The following ANKH variants were observed in gnomAD, a reference collection of about 807,000 sequenced individuals.
The protein encoded by ANKH is mineralization regulator ANKH.
A neutral mutation model predicts 49.0 loss-of-function variants in ANKH; 15 were observed. That is an observed-to-expected ratio of 0.31 (90% CI 0.20 to 0.47). The LOEUF is 0.47. ANKH is among the 20% of genes least tolerant of loss of function. The probability of loss-of-function intolerance (pLI) is 1.00; values close to 1 mark genes in which losing one functional copy is unlikely to be tolerated. For synonymous variants in ANKH, 273 were observed against 260.0 expected (o/e 1.05, Z -0.48); for missense variants, 429 against 652.0 (o/e 0.66, Z 3.72).
chr5:14,732,432 A>C (rs1738035377), intron 8 of ANKH, among the ~76,000 whole-genome samples: 1 of 152,138 alleles, frequency 6.6e-6, no homozygotes, highest in Non-Finnish European at 1.5e-5. Flanking sequence ...AACACCCCCC[A>C]CCACCAAAAC....
intron 8 of ANKH, among the ~76,000 whole-genome samples, chr5:14,719,563 C>T (rs1045793246): frequency 2.6e-5 from 4 of 152,200 alleles, no homozygotes; most frequent in African/African-American, 9.7e-5. Flanking sequence ...AAGCGATTTA[C>T]ACCACGAAGG....
intron 1 of ANKH, among the ~76,000 whole-genome samples, chr5:14,848,802 T>G (rs1196065375): frequency 2.0e-5 from 3 of 152,188 alleles, no homozygotes; most frequent in Non-Finnish European, 4.4e-5. Flanking sequence ...CCGTTCCTTG[T>G]AATCCGTGAG....
intron 1 of ANKH, among the ~76,000 whole-genome samples, chr5:14,820,569 G>C (rs1369489668): frequency 6.6e-6 from 1 of 152,196 alleles, no homozygotes; most frequent in Non-Finnish European, 1.5e-5. Context: ...CAGGATTCTT[G>C]CTGAGGGCAG....
intron 1 of ANKH, among the ~76,000 whole-genome samples, chr5:14,846,038 G>C (rs933815092): frequency 6.6e-6 from 1 of 151,716 alleles, no homozygotes; most frequent in African/African-American, 2.4e-5. Context: ...TGTATTTTTA[G>C]TAGAGACAGG....
intron 1 of ANKH, among the ~76,000 whole-genome samples, chr5:14,839,557 A>T (rs1171557901): frequency 6.6e-6 from 1 of 151,260 alleles, no homozygotes; most frequent in Non-Finnish European, 1.5e-5. Context: ...TCTTCAGTAT[A>T]AGAAAGGGTT....
At position 14,721,746 on chromosome 5, in the gene ANKH, C is replaced by T. The variant is rs183340601; in HGVS notation, c.1012-4911G>A. Among the ~76,000 whole-genome samples the T allele has an allele frequency of 1.9e-3, 295 of 151,814 alleles. 1 individual carries two copies. The highest frequency in any genetic ancestry group is 6.2e-3 in the African/African-American group (256 of 41,416). ...GAGATCGAGACCATCCTGGCTAACA[C>T]GGTGAAACCCCATCTCTACTAAAAA... On this transcript the variant is annotated intron_variant, in intron 8 of 11. Transcript: ENST00000284268.
Position 14,707,345 on chromosome 5 carries a change from A to G in ANKH, c.*3852T>C, listed in dbSNP as rs887010007. The G allele has an allele frequency of 6.6e-6, 1 of 151,884 alleles. No homozygotes were observed. The highest frequency in any genetic ancestry group is 1.5e-5 in the Non-Finnish European group (1 of 67,990). The allele number at this position is 151,884 out of a possible 1,614,324, so 9.4% of individuals were successfully genotyped here. A position where few individuals can be genotyped will look rare whatever the true frequency, so the allele number is the denominator to read the frequency against. On this transcript the variant is annotated 3_prime_UTR_variant, in exon 12 of 12. Transcript: ENST00000284268. ...TGAGTCTTCAAATCGATGTGTTCCT[A>G]GAAACCAAGGATATAGAAAAGTTAC...
intron 11 of ANKH, 61 bp downstream of exon 11, chr5:14,712,813 C>T: frequency 6.7e-7 from 1 of 1,500,438 alleles, no homozygotes; most frequent in Non-Finnish European, 9.1e-7. Context: ...AGTGGCTGCT[C>T]AGGTTCTCCT....
intron 1 of ANKH, among the ~76,000 whole-genome samples, chr5:14,812,910 C>A (rs189625461): frequency 5.3e-5 from 8 of 152,248 alleles, no homozygotes; most frequent in African/African-American, 1.9e-4. Flanking sequence ...ATGAGTGCTA[C>A]CTACAGTAAT....
intron 1 of ANKH, among the ~76,000 whole-genome samples, chr5:14,777,672 G>A (rs1291092347): frequency 6.6e-6 from 1 of 152,180 alleles, no homozygotes; most frequent in East Asian, 1.9e-4. Flanking sequence ...GCTAATGCTA[G>A]CAACAAGCAT....
chr5:14,813,506 CA>C (rs767729721), intron 1 of ANKH, among the ~76,000 whole-genome samples: 3 of 151,650 alleles, frequency 2.0e-5, no homozygotes, highest in Non-Finnish European at 4.4e-5. Context: ...AGGAGAAAAA[CA>C]AATTAAAATA....
At chr5:14,815,766 C>T (rs974816973) in intron 1 of ANKH, among the ~76,000 whole-genome samples, 2 of 152,232 alleles carry the variant, frequency 1.3e-5, no homozygotes, top group Non-Finnish European at 2.9e-5. Context: ...GACACGACCA[C>T]AAGTGTCCAG....
intron 8 of ANKH, among the ~76,000 whole-genome samples, chr5:14,731,000 C>T (rs1266599123): frequency 6.6e-6 from 1 of 152,202 alleles, no homozygotes; most frequent in East Asian, 1.9e-4. Flanking sequence ...AGAAGCCCGA[C>T]GGGGCCCTCG....
At position 14,721,697 on chromosome 5, in the gene ANKH, A is replaced by G. The variant is rs189732788; in HGVS notation, c.1012-4862T>C. On this transcript the variant is annotated intron_variant, in intron 8 of 11. Coordinates refer to ENST00000284268, the MANE Select transcript of ANKH (RefSeq NM_054027.6). ...CTGTAATCCAGCACTTTGGGAGGCCAAGGTGGGAGGATCACAAGGTCAGGA... is the reference window on the plus strand; with the variant it reads ...CTGTAATCCAGCACTTTGGGAGGCCGAGGTGGGAGGATCACAAGGTCAGGA... Among the ~76,000 whole-genome samples the G allele has an allele frequency of 1.1e-3, 163 of 152,244 alleles. 2 individuals are homozygous for G. The East Asian group carries it at 0.02, about 18-fold the overall frequency.
At chr5:14,845,134 G>A (rs949094933) in intron 1 of ANKH, among the ~76,000 whole-genome samples, 10 of 151,806 alleles carry the variant, frequency 6.6e-5, no homozygotes, top group Non-Finnish European at 7.4e-5. Flanking sequence ...ACAGAAACAC[G>A]CTTTCCAATA....
chr5:14,843,259 T>G (rs1741863849), intron 1 of ANKH, among the ~76,000 whole-genome samples: 1 of 147,970 alleles, frequency 6.8e-6, no homozygotes, highest in Admixed American at 6.9e-5. Flanking sequence ...CACTGCAACC[T>G]CCGCCTCATG....
intron 2 of ANKH, among the ~76,000 whole-genome samples, chr5:14,766,113 C>A (rs190557500): frequency 6.6e-6 from 1 of 152,110 alleles, no homozygotes; most frequent in African/African-American, 2.4e-5. Flanking sequence ...TTGTGCTGGC[C>A]AGGTGTGGTG....
chr5:14,792,407 T>C (rs1204295934), intron 1 of ANKH, among the ~76,000 whole-genome samples: 1 of 152,152 alleles, frequency 6.6e-6, no homozygotes. Context: ...GGACCCAGAC[T>C]GGTGATGATG....
rs1370298604 is a variant in ANKH at position 14,711,077 on chromosome 5, C to T, written c.*120G>A. On this transcript the variant is annotated 3_prime_UTR_variant, in exon 12 of 12. Coordinates refer to ENST00000284268, the MANE Select transcript of ANKH (RefSeq NM_054027.6). ...TGACACGAAACCTTTAAATCAAGGC[C>T]TCTTTCATTACCAAAACAAAACAAA... 2.2e-6 allele frequency: 2 copies of T among 891,528 alleles called. No individual in the cohort carries two copies. The highest frequency in any genetic ancestry group is 1.9e-6 in the Non-Finnish European group (1 of 531,032). The allele number at this position is 891,528 out of a possible 1,614,324, so 55.2% of individuals were successfully genotyped here.
Sources: gnomAD v4.1 joint callset for allele counts (sites outside exome capture counted in the v4.1 genomes callset) on GRCh38, gnomAD v4.1.1 for gene constraint, MANE v1.5 for transcripts, NCBI Gene and HGNC (gene_info 2026-07-23, HGNC 2026-07-21) for gene names.